The following LINGO1 variants were observed in gnomAD, a reference collection of about 807,000 sequenced individuals.
The protein encoded by LINGO1 is leucine rich repeat and Ig domain containing 1.
A neutral mutation model predicts 37.3 loss-of-function variants in LINGO1; 11 were observed. That is an observed-to-expected ratio of 0.29 (90% CI 0.19 to 0.49). The LOEUF is 0.49. Among genes scored for constraint, LINGO1 ranks in the 20% least tolerant of loss-of-function variants. LINGO1 has a pLI of 0.99. For synonymous variants in LINGO1, 387 were observed against 403.0 expected, an observed-to-expected ratio of 0.96 and a Z score of 0.48; for missense variants, 585 against 878.2, an observed-to-expected ratio of 0.67 and a Z score of 4.22.
intron 2 of LINGO1, among the ~76,000 whole-genome samples, chr15:77,730,215 T>TA (rs1303639410): frequency 6.6e-6 from 1 of 152,094 alleles, no homozygotes; most frequent in Admixed American, 6.5e-5. Flanking sequence ...CAACTTTGAC[T>TA]AGAATTTACT....
intron 2 of LINGO1, among the ~76,000 whole-genome samples, chr15:77,704,661 A>T (rs548816199): frequency 1.3e-5 from 2 of 151,796 alleles, no homozygotes; most frequent in Non-Finnish European, 2.9e-5. Flanking sequence ...GACCCTGGTC[A>T]GACACTGAGC....
intron 1 of LINGO1, chr15:77,784,786 A>G (rs1045543615): frequency 6.6e-6 from 1 of 151,676 alleles, no homozygotes; most frequent in African/African-American, 2.4e-5. Context: ...GGGCCACCAG[A>G]CCCCAGGGAG....
chr15:77,819,271 C>G (rs1417754231), intron 1 of LINGO1: 1 of 149,870 alleles, frequency 6.7e-6, no homozygotes, highest in Non-Finnish European at 1.5e-5. Context: ...CCACACTCAC[C>G]GTCCCGGGCG....
Position 77,721,191 on chromosome 15 carries a change from G to A in LINGO1, c.-195+13801C>T, listed in dbSNP as rs1341530328. Reference sequence around the variant, plus strand: ...CTAACCCTCCCGCCCCAGTCACCCCGCTTCATGGCCCTCGTGAGACCCGGC... The same window carrying A: ...CTAACCCTCCCGCCCCAGTCACCCCACTTCATGGCCCTCGTGAGACCCGGC... On this transcript the variant is annotated intron_variant, in intron 2 of 3. Coordinates refer to the LINGO1 transcript ENST00000561686. Among the ~76,000 whole-genome samples the A allele has an allele frequency of 9.3e-5, 14 of 150,558 alleles. 1 individual carries two copies. The highest frequency in any genetic ancestry group is 6.4e-4 in the South Asian group (3 of 4,706).
At chr15:77,720,098 A>T (rs996776528) in intron 2 of LINGO1, among the ~76,000 whole-genome samples, 1 of 145,690 alleles carries the variant, frequency 6.9e-6, no homozygotes, top group Non-Finnish European at 1.5e-5. Context: ...ACACACCACC[A>T]CCCCCTTGGC....
chr15:77,766,310 A>C (rs1401693135), intron 1 of LINGO1, among the ~76,000 whole-genome samples: 5 of 151,248 alleles, frequency 3.3e-5, no homozygotes, highest in South Asian at 2.1e-4. Context: ...AAAAAAAAAA[A>C]AAAAAAACAC....
At chr15:77,786,425 C>A (rs1221715318) in intron 1 of LINGO1, among the ~76,000 whole-genome samples, 1 of 152,178 alleles carries the variant, frequency 6.6e-6, no homozygotes, top group African/African-American at 2.4e-5. Flanking sequence ...AGGACCCATT[C>A]TCCCCTCCCT....
chr15:77,737,467 G>A (rs2076214547), intron 1 of LINGO1, among the ~76,000 whole-genome samples: 1 of 152,074 alleles, frequency 6.6e-6, no homozygotes, highest in African/African-American at 2.4e-5. Context: ...AGGAAGGAGG[G>A]AGAGGAAGAG....
At chr15:77,808,813 A>G (rs529939209) in intron 1 of LINGO1, among the ~76,000 whole-genome samples, 1 of 152,314 alleles carries the variant, frequency 6.6e-6, no homozygotes, top group South Asian at 2.1e-4. Flanking sequence ...CAGGTAAAGC[A>G]TCTGGCACTG....
upstream of LINGO1, among the ~76,000 whole-genome samples, chr15:77,790,577 G>T (rs996631124): frequency 2.0e-5 from 3 of 152,128 alleles, no homozygotes; most frequent in Non-Finnish European, 4.4e-5. Flanking sequence ...GAGAAGACTG[G>T]GGAGGCACAG....
rs532486933 is a variant in LINGO1 at position 77,779,056 on chromosome 15, T to C, written c.-257+7813A>G. Among the ~76,000 whole-genome samples the C allele has an allele frequency of 1.7e-4, 26 of 152,214 alleles. No homozygotes were observed. In the South Asian group the frequency reaches 3.9e-3, roughly 23 times the overall value. On this transcript the variant is annotated intron_variant, in intron 1 of 3. Coordinates refer to the LINGO1 transcript ENST00000561686. Reference sequence around the variant, plus strand: ...AGGCACACGCCCACCTGGATGCCCCTGTTTCCTCTGCTTTGAATGGTCTCC... The same window carrying C: ...AGGCACACGCCCACCTGGATGCCCCCGTTTCCTCTGCTTTGAATGGTCTCC...
chr15:77,805,182 G>T (rs948418330), intron 1 of LINGO1, among the ~76,000 whole-genome samples: 2 of 152,228 alleles, frequency 1.3e-5, no homozygotes, highest in African/African-American at 4.8e-5. Context: ...GAGATGGCCA[G>T]CATTGGGGTT....
rs1310597507 is a variant in LINGO1 at position 77,748,912 on chromosome 15, T to C, written c.-256-13859A>G. ...TTTATTTTCCTTCCTTCCTTCTCTTTTTTTTTTTTTTTTTTTTTGGAGTCT... is the reference window on the plus strand; with the variant it reads ...TTTATTTTCCTTCCTTCCTTCTCTTCTTTTTTTTTTTTTTTTTTGGAGTCT... On this transcript the variant is annotated intron_variant, in intron 1 of 3. Coordinates refer to the LINGO1 transcript ENST00000561686. Among the ~76,000 whole-genome samples the C allele has an allele frequency of 3.7e-3, 322 of 87,786 alleles. 4 individuals are homozygous for C. Among genetic ancestry groups the C allele is most frequent in the African/African-American group, 0.011 (291 of 26,542 alleles). The allele number at this position is 87,786 out of a possible 152,430, so 57.6% of individuals were successfully genotyped here.
chr15:77,713,690 C>G (rs887226711), intron 2 of LINGO1, among the ~76,000 whole-genome samples: 25 of 152,056 alleles, frequency 1.6e-4, no homozygotes, highest in African/African-American at 5.8e-4. Flanking sequence ...TGGACTGTGC[C>G]AACGTCAGTG....
intron 1 of LINGO1, among the ~76,000 whole-genome samples, chr15:77,774,546 G>C (rs1000502366): frequency 1.3e-5 from 2 of 152,088 alleles, no homozygotes; most frequent in Admixed American, 6.5e-5. Flanking sequence ...CCCACACTTA[G>C]TGCACACACA....
At chr15:77,767,397 T>C (rs2076541076) in intron 1 of LINGO1, among the ~76,000 whole-genome samples, 1 of 152,174 alleles carries the variant, frequency 6.6e-6, no homozygotes, top group South Asian at 2.1e-4. Flanking sequence ...TTTCCAGATA[T>C]GCAAGGTCTC....
intron 2 of LINGO1, among the ~76,000 whole-genome samples, chr15:77,728,089 T>C (rs1393561790): frequency 6.6e-6 from 1 of 152,212 alleles, no homozygotes; most frequent in East Asian, 1.9e-4. Context: ...AGGTCAGGGC[T>C]GTGTCTCCTC....
chr15:77,770,703 CG>C (rs941454252), intron 1 of LINGO1, among the ~76,000 whole-genome samples: 5 of 152,108 alleles, frequency 3.3e-5, no homozygotes, highest in African/African-American at 1.2e-4. Context: ...ACTCCAGATC[CG>C]GGGACCCTTC....
intron 1 of LINGO1, among the ~76,000 whole-genome samples, chr15:77,630,308 G>A (rs998316828): frequency 6.6e-6 from 1 of 152,100 alleles, no homozygotes; most frequent in African/African-American, 2.4e-5. Flanking sequence ...CCCCAATTGT[G>A]CTTCTCCAGA....
Sources: allele counts gnomAD v4.1 joint callset (sites outside exome capture counted in the v4.1 genomes callset), GRCh38; gene constraint gnomAD v4.1.1; transcripts MANE v1.5; gene names NCBI Gene and HGNC (gene_info 2026-07-23, HGNC 2026-07-21).